The following ATP8B4 variants were observed in gnomAD, a reference collection of about 807,000 sequenced individuals.
ATP8B4 encodes the protein probable phospholipid-transporting ATPase IM.
A neutral mutation model predicts 145.6 loss-of-function variants in ATP8B4; 133 were observed. That is an observed-to-expected ratio of 0.91 (90% confidence interval 0.79 to 1.05). The LOEUF is 1.05. Ranked by LOEUF, ATP8B4 falls within the 50% of genes least tolerant of loss-of-function variation. ATP8B4 has a pLI of 0.00. For synonymous variants in ATP8B4, 507 were observed against 492.9 expected, an observed-to-expected ratio of 1.03 and a Z score of -0.38; for missense variants, 1,458 against 1,425.2, an observed-to-expected ratio of 1.02 and a Z score of -0.37.
At chr15:49,942,395 A>G (rs2042229307) in intron 14 of ATP8B4, among the ~76,000 whole-genome samples, 1 of 152,030 alleles carries the variant, frequency 6.6e-6, no homozygotes, top group South Asian at 2.1e-4. Context: ...TAAAGCAATA[A>G]CACAAGACAG....
intron 1 of ATP8B4, chr15:50,113,168 GCATCCCTGC>G (rs1000735911): frequency 6.6e-6 from 1 of 152,298 alleles, no homozygotes; most frequent in Non-Finnish European, 1.5e-5. Context: ...TGTCCCACAG[GCATCCCTGC>G]CTGCCAACCC....
At chr15:50,098,698 G>A (rs2056152189) in intron 2 of ATP8B4, among the ~76,000 whole-genome samples, 1 of 152,022 alleles carries the variant, frequency 6.6e-6, no homozygotes, top group African/African-American at 2.4e-5. Flanking sequence ...ATAAGAAGCT[G>A]TCTCCCTCTC....
chr15:50,072,950 C>G (rs1477243872), intron 3 of ATP8B4, among the ~76,000 whole-genome samples: 3 of 28,312 alleles, frequency 1.1e-4, no homozygotes, highest in African/African-American at 3.1e-4. Flanking sequence ...CTCTCTCTCT[C>G]TCTCTCTCTC....
chr15:49,900,444 C>T (rs1413614423), intron 21 of ATP8B4, among the ~76,000 whole-genome samples: 1 of 152,206 alleles, frequency 6.6e-6, no homozygotes, highest in Non-Finnish European at 1.5e-5. Context: ...ATTATAATTT[C>T]ACTGGAGCGT....
At chr15:50,177,944 G>C (rs1567421041) in intron 1 of ATP8B4, among the ~76,000 whole-genome samples, 1 of 152,136 alleles carries the variant, frequency 6.6e-6, no homozygotes, top group African/African-American at 2.4e-5. Context: ...AACTTTGAAG[G>C]GGGTAGGGAA....
In ATP8B4 at chr15:49,997,399, T is replaced by TA. The variant is rs551360587; in HGVS notation, c.507-641dup. 8.5e-5 allele frequency among the ~76,000 whole-genome samples: 13 copies of TA among 152,260 alleles called. No individual in the cohort carries two copies. The South Asian group carries it at 2.5e-3, about 29-fold the overall frequency. On this transcript the variant is annotated intron_variant, in intron 8 of 27. Transcript: ENST00000284509. Reference sequence around the variant, plus strand: ...CAGTTAAGATTCTATGGCCATCACTTACGTCTTGTTTTAAGGGCTTGCCAT... The same window carrying TA: ...CAGTTAAGATTCTATGGCCATCACTTAACGTCTTGTTTTAAGGGCTTGCCAT...
intron 10 of ATP8B4, among the ~76,000 whole-genome samples, chr15:49,985,375 C>T (rs143591403): frequency 6.0e-4 from 91 of 152,266 alleles, no homozygotes; most frequent in East Asian, 5.2e-3. Context: ...GGATTACAGG[C>T]GTGAGCCACC....
intron 3 of ATP8B4, among the ~76,000 whole-genome samples, chr15:50,062,723 A>G (rs1221374711): frequency 6.6e-6 from 1 of 152,192 alleles, no homozygotes; most frequent in African/African-American, 2.4e-5. Context: ...GATTTTTCAC[A>G]TTATTTAGCA....
intron 20 of ATP8B4, among the ~76,000 whole-genome samples, chr15:49,905,245 T>A (rs1350761225): frequency 1.3e-5 from 2 of 152,200 alleles, no homozygotes; most frequent in African/African-American, 4.8e-5. Flanking sequence ...CTAAGCACAT[T>A]TGACAGGTTT....
chr15:49,985,942 G>A (rs916800355), intron 10 of ATP8B4, among the ~76,000 whole-genome samples: 2 of 151,954 alleles, frequency 1.3e-5, no homozygotes, highest in Non-Finnish European at 2.9e-5. Context: ...TCCTACAGCT[G>A]GTAAAATAAT....
At position 49,915,850 on chromosome 15, in the gene ATP8B4, T is replaced by A. The variant is rs1411917289; in HGVS notation, c.2141+1084A>T. 2.0e-5 allele frequency among the ~76,000 whole-genome samples: 3 copies of A among 151,670 alleles called. No homozygotes were observed. In the East Asian group the frequency reaches 5.8e-4, roughly 29 times the overall value. ...ATATAGCAGGTTTTTTTTTTTTTTT[T>A]AACTGCAGGTAAAACCGAGAGGCTG... On this transcript the variant is annotated intron_variant, in intron 20 of 27. Transcript: ENST00000284509.
At chr15:50,004,240 A>G (rs2048135913) in intron 7 of ATP8B4, among the ~76,000 whole-genome samples, 1 of 152,170 alleles carries the variant, frequency 6.6e-6, no homozygotes, top group Non-Finnish European at 1.5e-5. Flanking sequence ...GTGCGAAGGG[A>G]AGGCCCAGCG....
intron 1 of ATP8B4, among the ~76,000 whole-genome samples, chr15:50,154,811 A>G (rs114494875): frequency 0.014 from 2,074 of 152,196 alleles, 49 homozygotes; most frequent in African/African-American, 0.048. Context: ...ATTAGCTGCG[A>G]CTACAGGTGC....
intron 1 of ATP8B4, among the ~76,000 whole-genome samples, chr15:50,150,970 A>C (rs2044339889): frequency 6.6e-6 from 1 of 152,190 alleles, no homozygotes; most frequent in Non-Finnish European, 1.5e-5. Context: ...TCTTGGGAAA[A>C]GCTGTCTAGA....
chr15:50,109,259 G>C (rs2056828940), intron 1 of ATP8B4, among the ~76,000 whole-genome samples: 1 of 152,152 alleles, frequency 6.6e-6, no homozygotes, highest in South Asian at 2.1e-4. Context: ...TATAAAGGAA[G>C]ATTCACAAAA....
At chr15:49,906,697 G>T (rs1340856573) in intron 20 of ATP8B4, among the ~76,000 whole-genome samples, 1 of 152,148 alleles carries the variant, frequency 6.6e-6, no homozygotes, top group Non-Finnish European at 1.5e-5. Flanking sequence ...TTTGGAAAAA[G>T]AAGGGGGGGA....
chr15:49,872,256 T>A (rs1035108125), intron 25 of ATP8B4, among the ~76,000 whole-genome samples: 1 of 152,208 alleles, frequency 6.6e-6, no homozygotes, highest in African/African-American at 2.4e-5. Context: ...TGTCACTGTG[T>A]GATCTTGGGC....
intron 10 of ATP8B4, among the ~76,000 whole-genome samples, chr15:49,984,075 T>G (rs1342678722): frequency 6.6e-6 from 1 of 152,232 alleles, no homozygotes; most frequent in African/African-American, 2.4e-5. Context: ...AAATTAATTT[T>G]TTGAACATCT....
At chr15:49,981,391 A>T in intron 10 of ATP8B4, 97 bp from the exon 11 acceptor site, 2 of 917,118 alleles carry the variant, frequency 2.2e-6, no homozygotes, top group Non-Finnish European at 3.2e-6. Flanking sequence ...AAAAATATAT[A>T]TTTTTCACAA....
Sources: gnomAD v4.1 joint callset for allele counts (sites outside exome capture counted in the v4.1 genomes callset) on GRCh38, gnomAD v4.1.1 for gene constraint, MANE v1.5 for transcripts, NCBI Gene and HGNC (gene_info 2026-07-23, HGNC 2026-07-21) for gene names.